Variants in CFAP95 observed in about 807,000 individuals in gnomAD.
The protein encoded by CFAP95 is cilia- and flagella-associated protein 95.
the CFAP95 span, among the ~76,000 whole-genome samples, chr9:69,862,628 A>G: frequency 6.6e-6 from 1 of 152,356 alleles, no homozygotes; most frequent in East Asian, 1.9e-4. Context: ...GTTATAAAAG[A>G]AAGACTGTAA....
the CFAP95 span, among the ~76,000 whole-genome samples, chr9:69,857,280 G>A: frequency 6.6e-6 from 1 of 152,150 alleles, no homozygotes; most frequent in Admixed American, 6.5e-5. Context: ...TTTGAGGATA[G>A]AAACTCTTTA....
the CFAP95 span, among the ~76,000 whole-genome samples, chr9:69,904,025 A>G: frequency 6.6e-6 from 1 of 152,090 alleles, no homozygotes; most frequent in African/African-American, 2.4e-5. Flanking sequence ...TGCCCGGCCC[A>G]TTCTTTTTTT....
chr9:69,842,869 T>C, the CFAP95 span, among the ~76,000 whole-genome samples: 1 of 152,198 alleles, frequency 6.6e-6, no homozygotes, highest in Non-Finnish European at 1.5e-5. Context: ...CCGCCCCACC[T>C]TGGGCTCCCT....
chr9:69,892,405 G>A, the CFAP95 span, among the ~76,000 whole-genome samples: 5 of 152,266 alleles, frequency 3.3e-5, no homozygotes, highest in Admixed American at 1.3e-4. Context: ...ATGCATCTTC[G>A]CTAAAAGTCA....
At chr9:69,885,596 C>T in the CFAP95 span, among the ~76,000 whole-genome samples, 1 of 152,108 alleles carries the variant, frequency 6.6e-6, no homozygotes, top group East Asian at 1.9e-4. Context: ...CTCAGGGTTT[C>T]CCTTTTGGGC....
At chr9:69,820,916 G>T in the CFAP95 span, 7 of 1,614,082 alleles carry the variant, frequency 4.3e-6, no homozygotes, top group African/African-American at 4.0e-5. Flanking sequence ...GGACTGGTGC[G>T]ACAGGAAGCA....
the CFAP95 span, among the ~76,000 whole-genome samples, chr9:69,897,995 T>C: frequency 6.6e-6 from 1 of 152,202 alleles, no homozygotes; most frequent in Non-Finnish European, 1.5e-5. Flanking sequence ...GTGATTCTTT[T>C]GTTGCAACTC....
chr9:69,902,023 GAAAAAA>G, the CFAP95 span, among the ~76,000 whole-genome samples: 1 of 152,214 alleles, frequency 6.6e-6, no homozygotes, highest in East Asian at 1.9e-4. Flanking sequence ...TACAGAATGG[GAAAAAA>G]TTTTTGCAAT....
chr9:69,883,241 C>G, the CFAP95 span, among the ~76,000 whole-genome samples: 1 of 152,308 alleles, frequency 6.6e-6, no homozygotes, highest in East Asian at 1.9e-4. Context: ...CCGTCAGGAG[C>G]ATTCTCTCAT....
At chr9:69,845,453 C>T in the CFAP95 span, among the ~76,000 whole-genome samples, 2 of 152,192 alleles carry the variant, frequency 1.3e-5, no homozygotes, top group Non-Finnish European at 2.9e-5. Context: ...TCTGCCCCCG[C>T]CCCCCAAGGC....
the CFAP95 span, among the ~76,000 whole-genome samples, chr9:69,901,824 A>G: frequency 1.3e-5 from 2 of 152,136 alleles, no homozygotes; most frequent in African/African-American, 2.4e-5. Context: ...AAGTGTTCCT[A>G]TTTCTCCACA....
At chr9:69,829,638 C>T in the CFAP95 span, among the ~76,000 whole-genome samples, 1 of 152,184 alleles carries the variant, frequency 6.6e-6, no homozygotes. Context: ...TCTTTCCTCT[C>T]ACAGATAGTC....
the CFAP95 span, among the ~76,000 whole-genome samples, chr9:69,852,870 C>T: frequency 6.6e-6 from 1 of 152,166 alleles, no homozygotes; most frequent in East Asian, 1.9e-4. Flanking sequence ...TGGAGTTCCC[C>T]TGCACAAGCA....
At chr9:69,898,087 C>A in the CFAP95 span, among the ~76,000 whole-genome samples, 1 of 151,836 alleles carries the variant, frequency 6.6e-6, no homozygotes, top group Non-Finnish European at 1.5e-5. Flanking sequence ...CTTCTACCAG[C>A]ATGTTTTATG....
chr9:69,900,871 AT>A, the CFAP95 span, among the ~76,000 whole-genome samples: 901 of 149,528 alleles, frequency 6.0e-3, 2 homozygotes, highest in Non-Finnish European at 9.2e-3. Flanking sequence ...GCTGCTATGT[AT>A]TTTTTTTTTA....
the CFAP95 span, among the ~76,000 whole-genome samples, chr9:69,854,593 T>G: frequency 1.4e-4 from 21 of 152,340 alleles, no homozygotes; most frequent in East Asian, 3.7e-3. Context: ...CCAAGTGTTC[T>G]TCATTTGCAC....
the CFAP95 span, among the ~76,000 whole-genome samples, chr9:69,895,361 C>CTGTG: frequency 4.6e-3 from 425 of 91,718 alleles, 2 homozygotes; most frequent in Middle Eastern, 7.9e-3. Context: ...CTCTCTCTCT[C>CTGTG]TCTCTCTCTG....
chr9:69,881,230 G>A, the CFAP95 span, among the ~76,000 whole-genome samples: 95,984 of 151,994 alleles, frequency 0.63, 30,637 homozygotes, highest in East Asian at 0.82. Flanking sequence ...TGCTCAAGAA[G>A]TCTTTGCCCA....
At chr9:69,875,904 C>G in the CFAP95 span, among the ~76,000 whole-genome samples, 1 of 152,140 alleles carries the variant, frequency 6.6e-6, no homozygotes. Flanking sequence ...CAAATTTTCA[C>G]TATTACAAAT....
Sources: allele counts gnomAD v4.1 joint callset (sites outside exome capture counted in the v4.1 genomes callset), GRCh38; gene constraint gnomAD v4.1.1; transcripts MANE v1.5; gene names NCBI Gene and HGNC (gene_info 2026-07-23, HGNC 2026-07-21).